The following ST8SIA1 variants were observed in gnomAD, a reference collection of about 807,000 sequenced individuals.
ST8SIA1 encodes the protein ST8 alpha-N-acetyl-neuraminide alpha-2,8-sialyltransferase 1.
Under a neutral mutation model 35.9 loss-of-function variants are expected in ST8SIA1, and 16 were observed. The observed-to-expected ratio is 0.45, with a 90% CI of 0.30 to 0.68. ST8SIA1 has a LOEUF of 0.68. Among genes scored for constraint, ST8SIA1 ranks in the 30% least tolerant of loss-of-function variants. ST8SIA1 has a pLI of 0.09. For synonymous variants in ST8SIA1, 170 were observed against 169.6 expected (o/e 1.00, Z -0.02); for missense variants, 383 against 453.6 (o/e 0.84, Z 1.41).
At chr12:22,271,039 G>GT (rs1865906899) in intron 2 of ST8SIA1, among the ~76,000 whole-genome samples, 1 of 152,200 alleles carries the variant, frequency 6.6e-6, no homozygotes, top group African/African-American at 2.4e-5. Context: ...GAGGTAGGTA[G>GT]TTTACGTCTG....
chr12:22,315,000 T>C (rs887481240), intron 1 of ST8SIA1, among the ~76,000 whole-genome samples: 11 of 152,160 alleles, frequency 7.2e-5, no homozygotes, highest in African/African-American at 2.4e-4. Context: ...AGGCTCAGAA[T>C]ATGCATGACT....
intron 1 of ST8SIA1, among the ~76,000 whole-genome samples, chr12:22,328,925 G>T (rs540281003): frequency 6.6e-6 from 1 of 152,278 alleles, no homozygotes; most frequent in South Asian, 2.1e-4. Flanking sequence ...TTTGAACACA[G>T]CTGACTTCAG....
At chr12:22,230,150 G>A (rs1224074882) in intron 4 of ST8SIA1, among the ~76,000 whole-genome samples, 1 of 152,160 alleles carries the variant, frequency 6.6e-6, no homozygotes, top group East Asian at 1.9e-4. Context: ...ACAAAAATCA[G>A]AAAACCTTTC....
chr12:22,289,254 C>T (rs1048178603), intron 1 of ST8SIA1, among the ~76,000 whole-genome samples: 12 of 151,950 alleles, frequency 7.9e-5, no homozygotes, highest in African/African-American at 2.9e-4. Context: ...TTTTTTAGTC[C>T]TCAGAGCAAC....
rs1865568536 is a variant in ST8SIA1 at position 22,243,848 on chromosome 12, A to G, written c.584+5158T>C. Reference sequence around the variant, plus strand: ...GGAGTTCAAGACCAGCCTTGCCAACATGGTGAAACCCCGTCTCTACAAAAA... The same window carrying G: ...GGAGTTCAAGACCAGCCTTGCCAACGTGGTGAAACCCCGTCTCTACAAAAA... On this transcript the variant is annotated intron_variant, in intron 4 of 4. Coordinates refer to ENST00000396037, the MANE Select transcript of ST8SIA1 (RefSeq NM_003034.4). Among the ~76,000 whole-genome samples, 8 of 152,142 alleles carry G rather than the reference A, an allele frequency of 5.3e-5. No individual in the cohort carries two copies. In the South Asian group the frequency reaches 1.7e-3, roughly 32 times the overall value.
chr12:22,323,898 G>C (rs1866638143), intron 1 of ST8SIA1, among the ~76,000 whole-genome samples: 1 of 152,120 alleles, frequency 6.6e-6, no homozygotes. Flanking sequence ...GCTAACGAAT[G>C]CTGGGCTTAA....
At chr12:22,222,564 A>T (rs1205744371) in intron 4 of ST8SIA1, among the ~76,000 whole-genome samples, 2 of 151,956 alleles carry the variant, frequency 1.3e-5, no homozygotes, top group Non-Finnish European at 2.9e-5. Context: ...GTAGCACTGT[A>T]TGTGAAAGAA....
intron 4 of ST8SIA1, among the ~76,000 whole-genome samples, chr12:22,233,802 G>A (rs1865445043): frequency 6.6e-6 from 1 of 152,084 alleles, no homozygotes; most frequent in African/African-American, 2.4e-5. Context: ...TTACCTCTCA[G>A]CGTATCAGTT....
At chr12:22,227,996 C>T (rs768304144) in intron 4 of ST8SIA1, among the ~76,000 whole-genome samples, 14 of 152,210 alleles carry the variant, frequency 9.2e-5, no homozygotes, top group South Asian at 2.1e-4. Flanking sequence ...GTTCTAAGGG[C>T]TCTTCTTCTC....
chr12:22,251,509 T>G (rs1865669207), intron 3 of ST8SIA1, among the ~76,000 whole-genome samples: 1 of 152,166 alleles, frequency 6.6e-6, no homozygotes, highest in Non-Finnish European at 1.5e-5. Context: ...CTGGGTAAAC[T>G]TTTTCTCTAA....
At chr12:22,327,860 C>T (rs1048160720) in intron 1 of ST8SIA1, among the ~76,000 whole-genome samples, 32 of 152,204 alleles carry the variant, frequency 2.1e-4, no homozygotes, top group African/African-American at 7.7e-4. Flanking sequence ...CCTCCTTTCT[C>T]TAAACAGTCA....
At chr12:22,216,587 T>G (rs1214122666) in intron 4 of ST8SIA1, among the ~76,000 whole-genome samples, 1 of 152,200 alleles carries the variant, frequency 6.6e-6, no homozygotes, top group Non-Finnish European at 1.5e-5. Context: ...TGTTCTCTTA[T>G]CACTTTATTT....
In ST8SIA1 at chr12:22,252,902, T is replaced by G. The variant is rs141121011; in HGVS notation, c.491+2378A>C. 2.5e-3 allele frequency among the ~76,000 whole-genome samples: 376 copies of G among 152,360 alleles called. 3 individuals are homozygous for G. Among genetic ancestry groups the G allele is most frequent in the African/African-American group, 8.2e-3 (341 of 41,582 alleles). ...TTGTACTGCACGAAGTGTATTTACA[T>G]TTCTACGTGTATCAAGGCCACTTGA... On this transcript the variant is annotated intron_variant, in intron 3 of 4. Transcript: ENST00000396037.
At chr12:22,268,266 T>C (rs1184840834) in intron 2 of ST8SIA1, among the ~76,000 whole-genome samples, 2 of 152,128 alleles carry the variant, frequency 1.3e-5, no homozygotes, top group Admixed American at 6.5e-5. Flanking sequence ...GTTAAGGAAA[T>C]TGCTAAATGA....
At chr12:22,289,417 C>G (rs1202697339) in intron 1 of ST8SIA1, among the ~76,000 whole-genome samples, 1 of 152,154 alleles carries the variant, frequency 6.6e-6, no homozygotes, top group Admixed American at 6.5e-5. Context: ...TCCAGGCTTT[C>G]TCCTCTTTGC....
chr12:22,246,557 G>A (rs1865605153), intron 4 of ST8SIA1, among the ~76,000 whole-genome samples: 2 of 152,074 alleles, frequency 1.3e-5, no homozygotes, highest in East Asian at 1.9e-4. Flanking sequence ...GGTGGGGGCC[G>A]GGGACCGGTC....
rs74068570 is a variant in ST8SIA1 at position 22,332,929 on chromosome 12, C to T, written c.236+1068G>A. Among the ~76,000 whole-genome samples the T allele has an allele frequency of 9.0e-3, 1,364 of 152,178 alleles. 29 individuals are homozygous for T. Among genetic ancestry groups the T allele is most frequent in the African/African-American group, 0.031 (1,305 of 41,500 alleles). On this transcript the variant is annotated intron_variant, in intron 1 of 4. Coordinates refer to ENST00000396037, the MANE Select transcript of ST8SIA1 (RefSeq NM_003034.4). ...CCAACCACCCAGACCACTACAATCA[C>T]AGGAAGAAGCCAACAGCAGCATCTT... is the stretch of plus-strand genomic sequence containing the variant.
intron 4 of ST8SIA1, among the ~76,000 whole-genome samples, chr12:22,226,057 C>T (rs770685473): frequency 1.3e-5 from 2 of 152,132 alleles, no homozygotes; most frequent in African/African-American, 2.4e-5. Context: ...TCTTATACTG[C>T]AAATTTCTTA....
At chr12:22,321,333 C>T (rs2135841511) in intron 1 of ST8SIA1, among the ~76,000 whole-genome samples, 1 of 152,316 alleles carries the variant, frequency 6.6e-6, no homozygotes, top group African/African-American at 2.4e-5. Context: ...AACCAGAACA[C>T]TTTGCCATTA....
Sources: gnomAD v4.1 joint callset for allele counts (sites outside exome capture counted in the v4.1 genomes callset) on GRCh38, gnomAD v4.1.1 for gene constraint, MANE v1.5 for transcripts, NCBI Gene and HGNC (gene_info 2026-07-23, HGNC 2026-07-21) for gene names.